PSD3: variants seen among roughly 807,000 people sequenced by gnomAD.
PSD3 encodes pleckstrin and Sec7 domain containing 3, also known as PH and SEC7 domain-containing protein 3.
Under a neutral mutation model 105.5 loss-of-function variants are expected in PSD3, and 49 were observed. The observed-to-expected ratio is 0.46, with a 90% CI of 0.37 to 0.59. The LOEUF is 0.59. Ranked by LOEUF, PSD3 falls within the 20% of genes least tolerant of loss-of-function variation. The pLI, the probability that PSD3 is intolerant of heterozygous loss-of-function variation, is 0.00. For missense variants in PSD3, 1,561 were observed against 1,263.8 expected, an observed-to-expected ratio of 1.24 and a Z score of -3.57; for synonymous variants, 557 against 457.8, an observed-to-expected ratio of 1.22 and a Z score of -2.77.
chr8:18,965,686 G>A (rs1419954091), intron 1 of PSD3, among the ~76,000 whole-genome samples: 2 of 152,228 alleles, frequency 1.3e-5, no homozygotes, highest in African/African-American at 4.8e-5. Flanking sequence ...CAAGCTGTAG[G>A]TCAAGCTTGC....
intron 8 of PSD3, among the ~76,000 whole-genome samples, chr8:18,788,946 T>C (rs2129446079): frequency 6.6e-6 from 1 of 152,258 alleles, no homozygotes; most frequent in Admixed American, 6.5e-5. Context: ...GAGGACCCTT[T>C]GTAAATTTTA....
intron 11 of PSD3, among the ~76,000 whole-genome samples, chr8:18,619,919 A>C (rs973289977): frequency 2.0e-5 from 3 of 152,212 alleles, no homozygotes; most frequent in Non-Finnish European, 4.4e-5. Context: ...CCATTGATGC[A>C]GCCAGGCCTT....
intron 9 of PSD3, among the ~76,000 whole-genome samples, chr8:18,712,422 A>C (rs1392263767): frequency 1.3e-5 from 2 of 152,210 alleles, no homozygotes; most frequent in Non-Finnish European, 2.9e-5. Flanking sequence ...ACACACAATA[A>C]AAATGATAAA....
At chr8:18,605,054 C>A (rs189351110) in intron 11 of PSD3, among the ~76,000 whole-genome samples, 47 of 152,354 alleles carry the variant, frequency 3.1e-4, no homozygotes, top group African/African-American at 1.0e-3. Context: ...AGCCCTCACA[C>A]AGAGTTCCAA....
At chr8:19,054,660 G>C (rs559462148) in intron 1 of PSD3, among the ~76,000 whole-genome samples, 72 of 152,046 alleles carry the variant, frequency 4.7e-4, no homozygotes, top group Admixed American at 1.4e-3. Context: ...TCATATTTTT[G>C]GTAAACTTCA....
At chr8:18,871,576 T>C in intron 3 of PSD3, 50 bp downstream of exon 3, 1 of 1,528,070 alleles carries the variant, frequency 6.5e-7, no homozygotes, top group African/African-American at 1.4e-5. Context: ...AACAGTTTTC[T>C]ATGATATGTA....
At chr8:18,991,958 T>C (rs1015795284) in intron 1 of PSD3, among the ~76,000 whole-genome samples, 1 of 152,192 alleles carries the variant, frequency 6.6e-6, no homozygotes, top group African/African-American at 2.4e-5. Flanking sequence ...TTTACCCTCA[T>C]TGTACTAATG....
chr8:18,545,841 T>C (rs1345700360), intron 15 of PSD3, among the ~76,000 whole-genome samples: 2 of 152,210 alleles, frequency 1.3e-5, no homozygotes, highest in East Asian at 3.9e-4. Context: ...AAAGGGCTAA[T>C]GCCAGTCTTA....
chr8:18,555,471 AATTC>A (rs1801014697), intron 15 of PSD3, among the ~76,000 whole-genome samples: 1 of 152,248 alleles, frequency 6.6e-6, no homozygotes, highest in Non-Finnish European at 1.5e-5. Flanking sequence ...GTCGATAATT[AATTC>A]TTTTTATTTT....
At chr8:18,616,467 A>T (rs2130682653) in intron 11 of PSD3, among the ~76,000 whole-genome samples, 2 of 152,214 alleles carry the variant, frequency 1.3e-5, no homozygotes, top group Middle Eastern at 3.4e-3. Context: ...GGATCTAGGA[A>T]AGATTAACTC....
intron 8 of PSD3, among the ~76,000 whole-genome samples, chr8:18,777,618 C>G (rs1356839712): frequency 1.3e-5 from 2 of 152,168 alleles, no homozygotes; most frequent in African/African-American, 2.4e-5. Flanking sequence ...ATAATCAAAT[C>G]AGGATATTTT....
intron 2 of PSD3, among the ~76,000 whole-genome samples, chr8:18,898,967 T>C (rs1303738121): frequency 1.3e-5 from 2 of 152,178 alleles, no homozygotes; most frequent in African/African-American, 4.8e-5. Context: ...TCTCCAAAAA[T>C]GTTTCTTCTA....
At chr8:18,583,340 G>A (rs889913177) in intron 12 of PSD3, among the ~76,000 whole-genome samples, 1 of 152,082 alleles carries the variant, frequency 6.6e-6, no homozygotes, top group African/African-American at 2.4e-5. Flanking sequence ...GAAGTTGGAG[G>A]ACTGCTTGAT....
intron 2 of PSD3, among the ~76,000 whole-genome samples, chr8:18,879,047 CACAA>C (rs1211284689): frequency 5.2e-4 from 70 of 133,948 alleles, no homozygotes; most frequent in East Asian, 2.8e-3. Flanking sequence ...AACACACACA[CACAA>C]ACACACACAC....
chr8:18,869,931 C>A (rs1173278080), intron 3 of PSD3, among the ~76,000 whole-genome samples: 6 of 152,146 alleles, frequency 3.9e-5, no homozygotes, highest in Non-Finnish European at 1.5e-5. Flanking sequence ...CTTGCAGTGT[C>A]AGGACATAGG....
intron 10 of PSD3, among the ~76,000 whole-genome samples, chr8:18,654,503 T>C (rs1808745311): frequency 6.6e-6 from 1 of 152,190 alleles, no homozygotes; most frequent in African/African-American, 2.4e-5. Context: ...TGATTAAAAA[T>C]TTCATATTCT....
intron 8 of PSD3, among the ~76,000 whole-genome samples, chr8:18,770,743 TAA>T (rs1807444530): frequency 6.6e-6 from 1 of 152,246 alleles, no homozygotes; most frequent in African/African-American, 2.4e-5. Context: ...GCATATGGCT[TAA>T]GTGTTAACAG....
intron 9 of PSD3, among the ~76,000 whole-genome samples, chr8:18,718,671 T>C (rs1802753981): frequency 6.6e-6 from 1 of 152,198 alleles, no homozygotes; most frequent in South Asian, 2.1e-4. Flanking sequence ...ACCCGAAATG[T>C]CATATAATCT....
At chr8:18,834,251 T>C (rs1371619490) in intron 4 of PSD3, among the ~76,000 whole-genome samples, 1 of 152,210 alleles carries the variant, frequency 6.6e-6, no homozygotes, top group Non-Finnish European at 1.5e-5. Context: ...GAAATCATGA[T>C]TTAATTGAGC....
Sources: allele counts gnomAD v4.1 joint callset (sites outside exome capture counted in the v4.1 genomes callset), GRCh38; gene constraint gnomAD v4.1.1; transcripts MANE v1.5; gene names NCBI Gene and HGNC (gene_info 2026-07-23, HGNC 2026-07-21).